Variants in ATXN7 observed in about 807,000 individuals in gnomAD.
ATXN7 encodes the protein ataxin-7.
ATXN7 carries 12 observed loss-of-function variants against 70.5 expected under a neutral mutation model. That is an observed-to-expected ratio of 0.17 (90% confidence interval 0.11 to 0.28). ATXN7 has a LOEUF of 0.28. Ranked by LOEUF, ATXN7 falls within the 10% of genes least tolerant of loss-of-function variation. The probability of loss-of-function intolerance (pLI) is 1.00; values close to 1 mark genes in which losing one functional copy is unlikely to be tolerated. For missense variants in ATXN7, 1,256 were observed against 1,131.7 expected (o/e 1.11, Z -1.58); for synonymous variants, 498 against 448.7 (o/e 1.11, Z -1.39).
chr3:63,874,686 A>G (rs1267994970), intron 1 of ATXN7, among the ~76,000 whole-genome samples: 1 of 152,216 alleles, frequency 6.6e-6, no homozygotes, highest in Non-Finnish European at 1.5e-5. Context: ...ACAGTGGTTT[A>G]CTAACTGCAG....
At position 63,990,134 on chromosome 3, in the gene ATXN7, A is replaced by G. The variant is rs762624196; in HGVS notation, c.1362-42A>G. The G allele has an allele frequency of 2.5e-6, 4 of 1,590,594 alleles. No individual in the cohort carries two copies. The Admixed American group carries it at 6.7e-5, about 27-fold the overall frequency. On this transcript the variant is annotated intron_variant, in intron 9 of 12. Transcript: ENST00000674280. ...ATCTCAGTTAAGGTGGCTGATTCCC[A>G]GGTGTGTGATCTGATCCGTGCTGCA...
chr3:63,873,550 T>C (rs910121400), intron 1 of ATXN7, among the ~76,000 whole-genome samples: 1 of 152,216 alleles, frequency 6.6e-6, no homozygotes, highest in South Asian at 2.1e-4. Flanking sequence ...GAAGTGGGAA[T>C]TGATGGAGGG....
intron 1 of ATXN7, among the ~76,000 whole-genome samples, chr3:63,895,985 C>T (rs1443454912): frequency 6.6e-6 from 1 of 152,106 alleles, no homozygotes; most frequent in Non-Finnish European, 1.5e-5. Context: ...AGACCCTCTT[C>T]ATCTCAATTT....
Position 63,979,872 on chromosome 3 carries a change from C to T in ATXN7, c.500-43C>T, listed in dbSNP as rs1317081162. 10 of 1,604,722 alleles carry T rather than the reference C, an allele frequency of 6.2e-6. No homozygotes were observed. In the Admixed American group the frequency reaches 8.5e-5, roughly 14 times the overall value. ...TTCTTCCAGAATTACATTTGAGATT[C>T]GCCTAAAACATGATGTCTTTTTTTC... is the stretch of plus-strand genomic sequence containing the variant. On this transcript the variant is annotated intron_variant, in intron 5 of 12. Transcript: ENST00000674280.
In ATXN7 at chr3:63,997,614, T is replaced by C. The variant is rs2075781591; in HGVS notation, c.2661+1131T>C. The C allele has an allele frequency of 1.9e-6, 3 of 1,549,806 alleles. No homozygotes were observed. In the South Asian group the frequency reaches 3.6e-5, roughly 18 times the overall value. On this transcript the variant is annotated intron_variant, in intron 12 of 12. Transcript: ENST00000674280. Reference sequence around the variant, plus strand: ...CTCATCTCTCATCTTGTTATTTTATTCATCAGGATATCTCCTCACCTTGCT... The same window carrying C: ...CTCATCTCTCATCTTGTTATTTTATCCATCAGGATATCTCCTCACCTTGCT...
chr3:63,897,133 G>A (rs978948912), intron 1 of ATXN7, among the ~76,000 whole-genome samples: 1 of 152,166 alleles, frequency 6.6e-6, no homozygotes, highest in African/African-American at 2.4e-5. Flanking sequence ...AAGTATTTAG[G>A]ATTCAAAGAA....
chr3:63,913,116 G>A, intron 3 of ATXN7, 41 bp from the exon 4 acceptor site: 1 of 1,598,830 alleles, frequency 6.3e-7, no homozygotes, highest in South Asian at 1.1e-5. Flanking sequence ...CCTGGCCACT[G>A]ACCTGCCTCT....
intron 10 of ATXN7, 65 bp from the exon 11 acceptor site, chr3:63,990,673 T>C (rs2106787896): frequency 1.9e-6 from 3 of 1,612,576 alleles, no homozygotes; most frequent in Non-Finnish European, 2.5e-6. Context: ...CTGAAGGATC[T>C]AGAACCCTGA....
At chr3:63,943,782 C>CA (rs1315111565) in intron 4 of ATXN7, among the ~76,000 whole-genome samples, 2 of 152,198 alleles carry the variant, frequency 1.3e-5, no homozygotes, top group Admixed American at 1.3e-4. Flanking sequence ...CTCAGCCTCA[C>CA]ATCCATGGTC....
chr3:63,912,655 G>C lies in ATXN7; in HGVS notation c.57G>C (p.Ala19=), dbSNP rs1704078504. The change falls in exon 3 of 13, where the codon GCG becomes GCC. Residue 19 remains alanine, a synonymous_variant. Transcript: ENST00000674280. ...VRGEPRRAAA[A]AGGAAAAAAR... ...GGGAGCCGCGCCGCGCGGCGGCGGC[G>C]GCGGGCGGAGCAGCGGCCGCGGCCG... The C allele has an allele frequency of 2.9e-6, 3 of 1,040,318 alleles. No homozygotes were observed. In the African/African-American group the frequency reaches 5.2e-5, roughly 18 times the overall value. 64.4% of individuals were successfully genotyped at this position (1,040,318 alleles called of 1,614,324 possible).
At chr3:63,941,480 G>C (rs373869970) in intron 4 of ATXN7, among the ~76,000 whole-genome samples, 1 of 152,164 alleles carries the variant, frequency 6.6e-6, no homozygotes, top group Admixed American at 6.5e-5. Flanking sequence ...GATTATATGC[G>C]GTGGAACAGT....
At chr3:63,933,852 A>C (rs761416170) in intron 4 of ATXN7, among the ~76,000 whole-genome samples, 1 of 151,932 alleles carries the variant, frequency 6.6e-6, no homozygotes, top group Non-Finnish European at 1.5e-5. Context: ...TGGGTAGTCA[A>C]GTTGATGCTT....
chr3:63,993,275 ATTTTT>A (rs556994956), intron 11 of ATXN7, among the ~76,000 whole-genome samples: 3 of 116,012 alleles, frequency 2.6e-5, no homozygotes, highest in African/African-American at 9.8e-5. Context: ...TTGTTGGTGT[ATTTTT>A]TTTTTTTTTT....
chr3:63,964,156 T>A (rs1429548842), intron 5 of ATXN7, among the ~76,000 whole-genome samples: 2 of 151,556 alleles, frequency 1.3e-5, no homozygotes, highest in Non-Finnish European at 2.9e-5. Context: ...CAACCACAAG[T>A]CTAGTAATAC....
chr3:63,982,251 C>A lies in ATXN7; in HGVS notation c.818C>A (p.Ala273Glu). The A allele has an allele frequency of 6.2e-7, 1 of 1,614,054 alleles. No individual in the cohort carries two copies. The highest frequency in any genetic ancestry group is 8.5e-7 in the Non-Finnish European group (1 of 1,179,992). ...ATGGATGGCACACTACTGAAATCTG[C>A]GGTGGGGCCAACCTGTCCTGCTACT... is the stretch of plus-strand genomic sequence containing the variant. Reference protein sequence around the residue: ...PKMDGTLLKSAVGPTCPATVS... With the variant: ...PKMDGTLLKSEVGPTCPATVS... Residue 273 changes from alanine (A) to glutamate (E), a missense_variant, in exon 7 of 13, where the codon GCG (alanine) becomes GAG (glutamate). By Grantham distance (107) the Ala-to-Glu change is moderately radical (BLOSUM62 -1). Coordinates refer to ENST00000674280, the MANE Select transcript of ATXN7 (RefSeq NM_001377405.1).
chr3:63,975,739 A>G (rs956446896), intron 5 of ATXN7, among the ~76,000 whole-genome samples: 3 of 152,180 alleles, frequency 2.0e-5, no homozygotes, highest in African/African-American at 7.2e-5. Context: ...TGGAAGACCT[A>G]TAGAGAGCTG....
chr3:63,982,566 A>C, intron 7 of ATXN7, 121 bp downstream of exon 7: 1 of 897,652 alleles, frequency 1.1e-6, no homozygotes, highest in Non-Finnish European at 1.7e-6. Flanking sequence ...CAGCTTTAGG[A>C]GGAAGTTCCT....
At chr3:63,933,058 T>C (rs945512968) in intron 4 of ATXN7, among the ~76,000 whole-genome samples, 3 of 152,228 alleles carry the variant, frequency 2.0e-5, no homozygotes, top group Non-Finnish European at 2.9e-5. Flanking sequence ...TGCTTTTGTT[T>C]GCTTGTTTTG....
chr3:63,996,957 A>G (rs1165060538), intron 12 of ATXN7, among the ~76,000 whole-genome samples: 2 of 152,200 alleles, frequency 1.3e-5, no homozygotes, highest in Non-Finnish European at 2.9e-5. Flanking sequence ...GAAAGGGGTG[A>G]TTTAAGATTT....
Sources: allele counts gnomAD v4.1 joint callset (sites outside exome capture counted in the v4.1 genomes callset), GRCh38; gene constraint gnomAD v4.1.1; transcripts MANE v1.5; gene names NCBI Gene and HGNC (gene_info 2026-07-23, HGNC 2026-07-21).